ASB3: variants seen among roughly 807,000 people sequenced by gnomAD.
ASB3 encodes the protein ankyrin repeat and SOCS box protein 3.
ASB3 carries 41 observed loss-of-function variants against 54.5 expected under a neutral mutation model. The ratio of observed to expected loss-of-function variants is 0.75; its 90% CI spans 0.59 to 0.98. ASB3 has a LOEUF of 0.98. Among genes scored for constraint, ASB3 ranks in the 50% least tolerant of loss-of-function variants. ASB3 has a pLI of 0.00. For missense variants in ASB3, 733 were observed against 620.0 expected (o/e 1.18, Z -1.94); for synonymous variants, 266 against 221.2 (o/e 1.20, Z -1.80).
chr2:53,714,139 C>T (rs1670259121), intron 7 of ASB3, among the ~76,000 whole-genome samples: 1 of 152,002 alleles, frequency 6.6e-6, no homozygotes, highest in Admixed American at 6.6e-5. Flanking sequence ...TGTACGTATT[C>T]CCTAAGATTG....
intron 9 of ASB3, among the ~76,000 whole-genome samples, chr2:53,687,914 CA>C (rs1487036671): frequency 1.3e-5 from 2 of 152,142 alleles, no homozygotes; most frequent in Non-Finnish European, 2.9e-5. Context: ...CTCCTGGGCT[CA>C]AGCGATCCTC....
At chr2:53,718,807 T>C (rs1029927413) in intron 5 of ASB3, among the ~76,000 whole-genome samples, 1 of 151,742 alleles carries the variant, frequency 6.6e-6, no homozygotes, top group African/African-American at 2.4e-5. Flanking sequence ...ATCTGCTGCC[T>C]TCAAGAGACA....
chr2:53,767,161 G>A (rs543853396), intron 1 of ASB3: 10 of 152,242 alleles, frequency 6.6e-5, no homozygotes, highest in African/African-American at 2.4e-4. Context: ...GGGGCCCCAA[G>A]TTAAGAACAT....
chr2:53,691,456 T>A (rs959183403), intron 9 of ASB3, among the ~76,000 whole-genome samples: 2 of 152,140 alleles, frequency 1.3e-5, no homozygotes, highest in Non-Finnish European at 2.9e-5. Flanking sequence ...AAAAAATTTT[T>A]AAATATATTG....
At chr2:53,735,059 A>C (rs1484851243) in intron 3 of ASB3, among the ~76,000 whole-genome samples, 2 of 151,554 alleles carry the variant, frequency 1.3e-5, no homozygotes, top group African/African-American at 4.8e-5. Flanking sequence ...AGCTAGGATT[A>C]TAGACGTACA....
chr2:53,707,699 G>C (rs765898453), intron 7 of ASB3, among the ~76,000 whole-genome samples: 1 of 149,868 alleles, frequency 6.7e-6, no homozygotes, highest in Non-Finnish European at 1.5e-5. Flanking sequence ...AGTGGCTCAC[G>C]CCTGTAATCC....
chr2:53,694,813 T>G (rs1250183630), intron 8 of ASB3, among the ~76,000 whole-genome samples: 1 of 152,186 alleles, frequency 6.6e-6, no homozygotes. Context: ...GCTGCCCATT[T>G]CAGGGAACTA....
At chr2:53,766,814 A>G (rs1245056746) in intron 1 of ASB3, among the ~76,000 whole-genome samples, 1 of 152,144 alleles carries the variant, frequency 6.6e-6, no homozygotes, top group Non-Finnish European at 1.5e-5. Context: ...TTTGTCTGGT[A>G]GCAGCTTCCT....
chr2:53,747,985 CCCAAA>C (rs1672318211), intron 3 of ASB3, among the ~76,000 whole-genome samples: 1 of 152,198 alleles, frequency 6.6e-6, no homozygotes, highest in South Asian at 2.1e-4. Context: ...CAGTTTTCTA[CCCAAA>C]ACACAGACAA....
At chr2:53,737,777 C>T (rs1351389512) in intron 3 of ASB3, among the ~76,000 whole-genome samples, 2 of 136,592 alleles carry the variant, frequency 1.5e-5, no homozygotes, top group East Asian at 2.1e-4. Flanking sequence ...AATTTCAAAA[C>T]GAAAATTTCG....
chr2:53,771,673 A>G (rs938402227), intron 1 of ASB3, among the ~76,000 whole-genome samples: 3 of 152,200 alleles, frequency 2.0e-5, no homozygotes, highest in Non-Finnish European at 2.9e-5. Context: ...AATATAATAT[A>G]CCTAATACGT....
At chr2:53,771,802 G>C in intron 1 of ASB3, 1 of 738,604 alleles carries the variant, frequency 1.4e-6, no homozygotes, top group East Asian at 2.5e-5. Flanking sequence ...TGCTTCTTAT[G>C]AGCAAATATA....
At chr2:53,733,948 G>A (rs185576781) in intron 3 of ASB3, among the ~76,000 whole-genome samples, 1 of 152,356 alleles carries the variant, frequency 6.6e-6, no homozygotes, top group Admixed American at 6.5e-5. Flanking sequence ...CAAAGGGATG[G>A]GCGGAAATAA....
At chr2:53,707,974 A>AG (rs1553373096) in intron 7 of ASB3, among the ~76,000 whole-genome samples, 114 of 149,348 alleles carry the variant, frequency 7.6e-4, no homozygotes, top group African/African-American at 1.2e-3. Flanking sequence ...AAAAAAAAAA[A>AG]AAAGAAAGAA....
At chr2:53,674,120 A>G (rs185578375) in intron 9 of ASB3, among the ~76,000 whole-genome samples, 267 of 152,346 alleles carry the variant, frequency 1.8e-3, no homozygotes, top group Non-Finnish European at 3.2e-3. Flanking sequence ...CCTTGAATTT[A>G]TAATACGAAA....
chr2:53,695,225 A>AT (rs1323869955), intron 8 of ASB3, among the ~76,000 whole-genome samples: 2 of 152,170 alleles, frequency 1.3e-5, no homozygotes, highest in Non-Finnish European at 2.9e-5. Context: ...TTGGAGTCAA[A>AT]ATATCTTTGA....
intron 7 of ASB3, 64 bp downstream of exon 7, chr2:53,714,320 C>G: frequency 6.4e-7 from 1 of 1,567,866 alleles, no homozygotes. Flanking sequence ...AAGAAAGTCA[C>G]TTCAAAACAC....
intron 2 of ASB3, among the ~76,000 whole-genome samples, chr2:53,751,257 G>A (rs1336643463): frequency 6.6e-6 from 1 of 152,098 alleles, no homozygotes; most frequent in African/African-American, 2.4e-5. Flanking sequence ...GGAGGATGCA[G>A]CACTAAATAT....
At chr2:53,767,657 CA>C in intron 1 of ASB3, 1 of 557,462 alleles carries the variant, frequency 1.8e-6, no homozygotes, top group Non-Finnish European at 3.2e-6. Context: ...TTGCTTACTA[CA>C]CCGAAGGTCA....
Sources: allele counts gnomAD v4.1 joint callset (sites outside exome capture counted in the v4.1 genomes callset), GRCh38; gene constraint gnomAD v4.1.1; transcripts MANE v1.5; gene names NCBI Gene and HGNC (gene_info 2026-07-23, HGNC 2026-07-21).